Variants in NECAB2 observed in about 807,000 individuals in gnomAD.
The protein encoded by NECAB2 is N-terminal EF-hand calcium binding protein 2.
Under a neutral mutation model 51.9 loss-of-function variants are expected in NECAB2, and 68 were observed. The ratio of observed to expected loss-of-function variants is 1.31; its 90% confidence interval spans 1.08 to 1.60. The LOEUF (loss-of-function observed/expected upper bound fraction) is 1.60. Ranked by LOEUF, NECAB2 falls within the 40% of genes most tolerant of loss-of-function variation. The probability of loss-of-function intolerance (pLI) is 0.00; values close to 1 mark genes in which losing one functional copy is unlikely to be tolerated. For missense variants in NECAB2, 854 were observed against 490.3 expected, an observed-to-expected ratio of 1.74 and a Z score of -7.00; for synonymous variants, 329 against 203.5, an observed-to-expected ratio of 1.62 and a Z score of -5.25.
chr16:83,970,742 A>T (rs1478735489), intron 1 of NECAB2, among the ~76,000 whole-genome samples: 2 of 152,124 alleles, frequency 1.3e-5, no homozygotes, highest in African/African-American at 4.8e-5. Context: ...TTGTTAAAAC[A>T]AGCCACTGAG....
intron 10 of NECAB2, among the ~76,000 whole-genome samples, chr16:83,999,134 C>A (rs888799555): frequency 6.6e-6 from 1 of 152,190 alleles, no homozygotes; most frequent in Non-Finnish European, 1.5e-5. Context: ...TCTTCTTGGG[C>A]CCCCTGTGCA....
chr16:83,978,766 G>A (rs2084448861), intron 3 of NECAB2, among the ~76,000 whole-genome samples: 1 of 152,046 alleles, frequency 6.6e-6, no homozygotes, highest in Non-Finnish European at 1.5e-5. Flanking sequence ...TGTGTCTTCT[G>A]AGTGCACATG....
At chr16:83,984,160 TA>T in intron 5 of NECAB2, among the ~76,000 whole-genome samples, 1 of 151,990 alleles carries the variant, frequency 6.6e-6, no homozygotes, top group East Asian at 2.0e-4. Flanking sequence ...TACGCCTGGC[TA>T]ATTTTTTGTA....
chr16:83,978,426 C>T lies in NECAB2; in HGVS notation c.227-18C>T, dbSNP rs372039743. ...TCTCTGCAGACACCAGCTCCTTTCT[C>T]TGCTTCCTTCCTTGCAGATGATGGG... On this transcript the variant is annotated intron_variant, in intron 2 of 12. Transcript: ENST00000305202. 3.1e-6 allele frequency: 5 copies of T among 1,608,954 alleles called. No homozygotes were observed. Among genetic ancestry groups the T allele is most frequent in the Non-Finnish European group, 4.3e-6 (5 of 1,175,876 alleles).
At chr16:83,992,307 C>T (rs535203147) in intron 6 of NECAB2, among the ~76,000 whole-genome samples, 3 of 151,524 alleles carry the variant, frequency 2.0e-5, no homozygotes, top group East Asian at 1.9e-4. Flanking sequence ...AGGGGTGTGA[C>T]CTGGTATTTA....
chr16:83,990,079 A>T (rs910888774), intron 5 of NECAB2, among the ~76,000 whole-genome samples: 5 of 152,142 alleles, frequency 3.3e-5, no homozygotes, highest in African/African-American at 1.2e-4. Context: ...AGCAACAACA[A>T]AACTACCAGT....
chr16:83,990,718 A>C, intron 6 of NECAB2, 88 bp downstream of exon 6: 1 of 1,533,780 alleles, frequency 6.5e-7, no homozygotes. Context: ...ATGTCTGTGT[A>C]CCTAAGAGCT....
At chr16:83,997,610 C>T (rs534853019) in intron 9 of NECAB2, among the ~76,000 whole-genome samples, 1 of 151,224 alleles carries the variant, frequency 6.6e-6, no homozygotes, top group Non-Finnish European at 1.5e-5. Context: ...GCCTCAGCCT[C>T]CTGAGTAGCT....
At chr16:83,990,796 A>G (rs2084614064) in intron 6 of NECAB2, among the ~76,000 whole-genome samples, 166 bp downstream of exon 6, 1 of 152,120 alleles carries the variant, frequency 6.6e-6, no homozygotes, top group Non-Finnish European at 1.5e-5. Flanking sequence ...TATAGGCACA[A>G]TTATATACCT....
At chr16:84,000,890 G>C in intron 11 of NECAB2, 89 bp downstream of exon 11, 1 of 1,329,814 alleles carries the variant, frequency 7.5e-7, no homozygotes, top group Admixed American at 1.8e-5. Flanking sequence ...TGGAGGGGAG[G>C]GTAAGGCCGA....
chr16:83,965,334 G>C (rs369392211), upstream of NECAB2: 4 of 1,573,862 alleles, frequency 2.5e-6, no homozygotes. Context: ...AGCCCGGCCC[G>C]GCTGGGCATC....
rs375836441 is a variant in NECAB2, at chr16:83,998,332, G to C, written c.962+15G>C. 1.9e-6 allele frequency: 3 copies of C among 1,611,302 alleles called. No homozygotes were observed. The highest frequency in any genetic ancestry group is 2.5e-6 in the Non-Finnish European group (3 of 1,178,748). On this transcript the variant is annotated intron_variant, in intron 10 of 12. Coordinates refer to ENST00000305202, the MANE Select transcript of NECAB2 (RefSeq NM_019065.3). ...AACTGCTTCCAGTGAGTGAGCTGCC[G>C]AGGCGTGGGTGGGATGGTGGCAGGG... is the stretch of plus-strand genomic sequence containing the variant.
intron 1 of NECAB2, among the ~76,000 whole-genome samples, chr16:83,970,345 G>A (rs1359945439): frequency 6.6e-6 from 1 of 152,098 alleles, no homozygotes; most frequent in East Asian, 1.9e-4. Flanking sequence ...GGGGGATCTG[G>A]GACACCCAGA....
intron 2 of NECAB2, among the ~76,000 whole-genome samples, chr16:83,976,681 C>A (rs1031611664): frequency 2.1e-5 from 3 of 142,794 alleles, no homozygotes; most frequent in African/African-American, 6.1e-5. Flanking sequence ...CCCACTGTAA[C>A]CTTGAAATCT....
chr16:83,984,423 G>A (rs1007322319), intron 5 of NECAB2, among the ~76,000 whole-genome samples: 4 of 150,882 alleles, frequency 2.7e-5, no homozygotes, highest in African/African-American at 9.7e-5. Flanking sequence ...TGCACATTAA[G>A]TTCAATAAAA....
chr16:83,974,743 G>A (rs1393005919), intron 2 of NECAB2, among the ~76,000 whole-genome samples: 2 of 152,184 alleles, frequency 1.3e-5, no homozygotes, highest in African/African-American at 4.8e-5. Flanking sequence ...GAGTGGGGAT[G>A]GGACTTGGTG....
Position 83,968,754 on chromosome 16 carries a change from G to A in NECAB2, c.106G>A (p.Ala36Thr), listed in dbSNP as rs939491848. 3 of 1,079,428 alleles carry A rather than the reference G, an allele frequency of 2.8e-6. No homozygotes were observed. The highest frequency in any genetic ancestry group is 2.2e-6 in the Non-Finnish European group (2 of 892,596). 66.9% of individuals were successfully genotyped at this position (1,079,428 alleles called of 1,614,324 possible). ...ALGGLLRWVG[A>T]RMGEPRESLA... ...GGGCGGGCTGCTGCGCTGGGTGGGCGCCAGGATGGGCGAGCCCCGGGAGTC... is the reference window on the plus strand; with the variant it reads ...GGGCGGGCTGCTGCGCTGGGTGGGCACCAGGATGGGCGAGCCCCGGGAGTC... Residue 36 changes from alanine to threonine, a missense_variant, in exon 1 of 13, where the codon GCC (alanine) becomes ACC (threonine). Ala to Thr is a moderately conservative substitution (Grantham distance 58). Transcript: ENST00000305202.
At chr16:83,965,609 G>C (rs1256829676), upstream of NECAB2, 3 of 1,612,988 alleles carry the variant, frequency 1.9e-6, no homozygotes, top group South Asian at 1.1e-5. Flanking sequence ...GATGATGCGG[G>C]AGCAGTCCAT....
In NECAB2 at chr16:83,996,197, A is replaced by G. The variant is rs529233847; in HGVS notation, c.796-1019A>G. Among the ~76,000 whole-genome samples the G allele has an allele frequency of 2.6e-4, 40 of 152,298 alleles. No individual in the cohort carries two copies. The Middle Eastern group carries it at 0.01, about 39-fold the overall frequency. On this transcript the variant is annotated intron_variant, in intron 8 of 12. Coordinates refer to ENST00000305202, the MANE Select transcript of NECAB2 (RefSeq NM_019065.3). ...TACAGGGGCCACAGTGCCTCTCCTC[A>G]TCCTCCTATGGCTTTTCCAGCCCCA...
Sources: allele counts gnomAD v4.1 joint callset (sites outside exome capture counted in the v4.1 genomes callset), GRCh38; gene constraint gnomAD v4.1.1; transcripts MANE v1.5; gene names NCBI Gene and HGNC (gene_info 2026-07-23, HGNC 2026-07-21).